Variants in KLHL20 observed in about 807,000 individuals in gnomAD.
KLHL20 encodes the protein kelch like family member 20, also known as kelch-like protein 20.
A neutral mutation model predicts 69.5 loss-of-function variants in KLHL20; 29 were observed. The observed-to-expected ratio is 0.42, with a 90% CI of 0.31 to 0.57. The LOEUF is 0.57. Among genes scored for constraint, KLHL20 ranks in the 20% least tolerant of loss-of-function variants. The pLI is 0.18. For missense variants in KLHL20, 419 were observed against 776.0 expected (o/e 0.54, Z 5.47); for synonymous variants, 253 against 265.2 (o/e 0.95, Z 0.45).
chr1:173,759,466 C>G (rs1673696228), intron 7 of KLHL20, among the ~76,000 whole-genome samples: 1 of 152,142 alleles, frequency 6.6e-6, no homozygotes, highest in South Asian at 2.1e-4. Flanking sequence ...ACTAAGGATC[C>G]TCACGGAGTC....
chr1:173,760,219 T>C (rs1673738637), intron 7 of KLHL20, among the ~76,000 whole-genome samples: 2 of 152,184 alleles, frequency 1.3e-5, no homozygotes, highest in South Asian at 4.1e-4. Context: ...AGTCTGGGAT[T>C]ATGTTAAACA....
At chr1:173,756,663 T>C (rs960799338) in intron 6 of KLHL20, among the ~76,000 whole-genome samples, 1 of 152,230 alleles carries the variant, frequency 6.6e-6, no homozygotes, top group African/African-American at 2.4e-5. Context: ...CAATTATAAT[T>C]TATTTCTCCA....
intron 2 of KLHL20, among the ~76,000 whole-genome samples, chr1:173,717,841 G>T (rs940111385): frequency 3.9e-5 from 6 of 152,072 alleles, no homozygotes; most frequent in African/African-American, 1.2e-4. Flanking sequence ...TCTAATTTTT[G>T]ATTATAAAGT....
Position 173,734,220 on chromosome 1 carries a change from T to C in KLHL20, c.531T>C (p.Ala177=). 1 of 1,614,210 alleles carries C rather than the reference T, an allele frequency of 6.2e-7. No homozygotes were observed. Among genetic ancestry groups the C allele is most frequent in the Non-Finnish European group, 8.5e-7 (1 of 1,180,032 alleles). ...PSNCLGIRAF[A]DTHSCRELLR... is the part of the protein sequence containing the mutation. ...ACTGCCTGGGCATTCGGGCTTTTGC[T>C]GACACACATTCATGTCGTGAGTTGC... The change falls in exon 3 of 12, where the codon GCT becomes GCC. Residue 177 remains alanine (A), a synonymous_variant. Transcript: ENST00000209884.
intron 3 of KLHL20, among the ~76,000 whole-genome samples, chr1:173,747,136 T>C (rs1239934702): frequency 6.6e-6 from 1 of 152,050 alleles, no homozygotes; most frequent in East Asian, 1.9e-4. Flanking sequence ...TTCTATTTTA[T>C]GTGTGCTTGA....
chr1:173,718,364 C>A (rs1338241645), intron 2 of KLHL20, among the ~76,000 whole-genome samples: 1 of 151,832 alleles, frequency 6.6e-6, no homozygotes, highest in African/African-American at 2.4e-5. Context: ...CATGACAAAA[C>A]CCCATCTCTA....
At chr1:173,721,494 A>G (rs1671712177) in intron 2 of KLHL20, among the ~76,000 whole-genome samples, 1 of 152,224 alleles carries the variant, frequency 6.6e-6, no homozygotes. Context: ...AGTGCTACCA[A>G]TGAGATGTCA....
At chr1:173,761,532 GCACT>G (rs1373006042) in intron 7 of KLHL20, among the ~76,000 whole-genome samples, 3 of 152,218 alleles carry the variant, frequency 2.0e-5, no homozygotes, top group East Asian at 1.9e-4. Context: ...ATTATATCAA[GCACT>G]CACTCAGACC....
At chr1:173,721,188 T>C (rs1671698145) in intron 2 of KLHL20, among the ~76,000 whole-genome samples, 1 of 152,184 alleles carries the variant, frequency 6.6e-6, no homozygotes, top group Admixed American at 6.5e-5. Flanking sequence ...CTAGAGTTTT[T>C]ATTGATAGTT....
chr1:173,756,659 T>C (rs1219995919), intron 6 of KLHL20, among the ~76,000 whole-genome samples: 1 of 152,258 alleles, frequency 6.6e-6, no homozygotes, highest in African/African-American at 2.4e-5. Context: ...TAAACAATTA[T>C]AATTTATTTC....
chr1:173,765,149 C>A (rs1647607943), intron 7 of KLHL20, among the ~76,000 whole-genome samples: 2 of 138,702 alleles, frequency 1.4e-5, no homozygotes, highest in African/African-American at 5.8e-5. Context: ...AAACAAAAAT[C>A]AACGAAATTT....
intron 3 of KLHL20, among the ~76,000 whole-genome samples, chr1:173,747,912 A>G (rs1673139275): frequency 2.0e-5 from 3 of 151,762 alleles, no homozygotes; most frequent in African/African-American, 7.2e-5. Context: ...AAAATGATGA[A>G]ACTCCATCTC....
Position 173,733,933 on chromosome 1 carries a change from C to T in KLHL20, c.244C>T (p.His82Tyr). The change falls in exon 3 of 12, where the codon CAT (histidine) becomes TAT (tyrosine). Residue 82 changes from histidine (H) to tyrosine (Y), a missense_variant. This residue lies in a region of KLHL20 where 129 missense variants were observed against 183.6 expected (regional missense o/e 0.70). Transcript: ENST00000209884. ...LVVGAKKIYA[H>Y]RVILSACSPY... ...TGTGGGCGCCAAGAAGATATATGCC[C>T]ATCGAGTCATTTTGTCAGCCTGTAG... 1 of 1,614,150 alleles carries T rather than the reference C, an allele frequency of 6.2e-7. No individual in the cohort carries two copies. The highest frequency in any genetic ancestry group is 8.5e-7 in the Non-Finnish European group (1 of 1,180,034).
chr1:173,777,424 C>G (rs946087818), intron 10 of KLHL20, among the ~76,000 whole-genome samples: 4 of 152,152 alleles, frequency 2.6e-5, no homozygotes, highest in African/African-American at 9.7e-5. Context: ...TCCCATTGCT[C>G]TACCTAGGAC....
chr1:173,739,199 A>C (rs1453912054), intron 3 of KLHL20, among the ~76,000 whole-genome samples: 1 of 151,900 alleles, frequency 6.6e-6, no homozygotes, highest in Admixed American at 6.6e-5. Flanking sequence ...TAGCCTCCCG[A>C]GTATCTGGAA....
intron 3 of KLHL20, among the ~76,000 whole-genome samples, chr1:173,744,830 C>T (rs1672980860): frequency 6.6e-6 from 1 of 152,060 alleles, no homozygotes. Context: ...TTTATTATGG[C>T]TTAATTACTA....
At chr1:173,723,856 C>G (rs531995708) in intron 2 of KLHL20, among the ~76,000 whole-genome samples, 2 of 152,180 alleles carry the variant, frequency 1.3e-5, no homozygotes, top group Non-Finnish European at 2.9e-5. Flanking sequence ...CACTTAAGCT[C>G]TGGGAAAACC....
At chr1:173,741,669 A>G in intron 3 of KLHL20, 1 of 756,172 alleles carries the variant, frequency 1.3e-6, no homozygotes, top group Non-Finnish European at 1.9e-6. Context: ...ACCTTCCCAC[A>G]AGAACATGCC....
chr1:173,717,147 T>C (rs898633295), intron 2 of KLHL20, among the ~76,000 whole-genome samples: 1 of 152,238 alleles, frequency 6.6e-6, no homozygotes, highest in Non-Finnish European at 1.5e-5. Context: ...TCCCTTTACT[T>C]CTAACATTAT....
Sources: gnomAD v4.1 joint callset for allele counts (sites outside exome capture counted in the v4.1 genomes callset) on GRCh38, gnomAD v4.1.1 for gene constraint, gnomAD v4.1.1 regional missense constraint, MANE v1.5 for transcripts, NCBI Gene and HGNC (gene_info 2026-07-23, HGNC 2026-07-21) for gene names.